Variants in ZNF253 observed in about 807,000 individuals in gnomAD.
ZNF253 encodes the protein DNA-binding protein.
In ZNF253, 8 loss-of-function variants were observed where a neutral mutation model predicts 11.9. The observed-to-expected ratio is 0.67, with a 90% confidence interval of 0.40 to 1.22. The LOEUF (loss-of-function observed/expected upper bound fraction) is 1.22. Among genes scored for constraint, ZNF253 ranks in the 50% most tolerant of loss-of-function variants. The pLI is 0.01. For missense variants in ZNF253, 485 were observed against 586.9 expected, an observed-to-expected ratio of 0.83 and a Z score of 1.79; for synonymous variants, 194 against 194.9, an observed-to-expected ratio of 1.00 and a Z score of 0.04.
chr19:19,888,590 A>G (rs773286189), intron 3 of ZNF253, among the ~76,000 whole-genome samples: 1 of 152,154 alleles, frequency 6.6e-6, no homozygotes, highest in African/African-American at 2.4e-5. Flanking sequence ...CTTCAGTTGC[A>G]TGCAAACATT....
At chr19:19,879,489 A>C (rs185834578) in intron 2 of ZNF253, among the ~76,000 whole-genome samples, 1 of 125,670 alleles carries the variant, frequency 8.0e-6, no homozygotes, top group African/African-American at 3.5e-5. Flanking sequence ...CAAAAGACAA[A>C]GCAAAGCATC....
Position 19,891,617 on chromosome 19 carries a change from G to A in ZNF253, c.370G>A (p.Val124Met), listed in dbSNP as rs201173734. The change falls in exon 4 of 4, where the codon GTG (valine) becomes ATG (methionine). Residue 124 changes from valine (V) to methionine (M), a missense_variant. Physicochemically the swap from Val to Met is conservative, Grantham distance 21. Around this residue, in one of 3 missense-constraint regions of ZNF253, gnomAD observed 218 missense variants for 213.1 expected, o/e 1.02. Coordinates refer to ENST00000589717, the MANE Select transcript of ZNF253 (RefSeq NM_021047.3). ...KGCKSVGEHK[V>M]HKGGYNGLNQ... ...CTGTAAAAGCGTGGGTGAGCATAAG[G>A]TGCACAAAGGAGGTTATAATGGACT... The A allele has an allele frequency of 8.1e-5, 131 of 1,614,120 alleles. No homozygotes were observed. Among genetic ancestry groups the A allele is most frequent in the South Asian group, 4.3e-4 (39 of 91,078 alleles).
At chr19:19,883,584 T>C (rs945705608) in intron 3 of ZNF253, among the ~76,000 whole-genome samples, 7 of 145,628 alleles carry the variant, frequency 4.8e-5, no homozygotes, top group Admixed American at 4.7e-4. Context: ...CAAAAAAAAG[T>C]TGTTCATTTC....
intron 1 of ZNF253, 21 bp downstream of exon 1, chr19:19,866,020 C>T: frequency 6.2e-7 from 1 of 1,614,162 alleles, no homozygotes. Context: ...GGTCCAACGT[C>T]CCGAGAGAGG....
intron 3 of ZNF253, among the ~76,000 whole-genome samples, chr19:19,888,205 A>G (rs576274258): frequency 6.6e-6 from 1 of 152,106 alleles, no homozygotes; most frequent in African/African-American, 2.4e-5. Context: ...CTGGTATTAT[A>G]GGCACCCACC....
chr19:19,882,915 G>T (rs188226155), intron 3 of ZNF253, among the ~76,000 whole-genome samples: 109 of 151,294 alleles, frequency 7.2e-4, no homozygotes, highest in African/African-American at 2.4e-3. Flanking sequence ...AGGTTGCAAT[G>T]AGCCGAGATT....
At chr19:19,867,671 A>G (rs1432504899) in intron 1 of ZNF253, among the ~76,000 whole-genome samples, 3 of 152,148 alleles carry the variant, frequency 2.0e-5, no homozygotes, top group Non-Finnish European at 2.9e-5. Context: ...ATCTGACCAT[A>G]CCGTGTTTTC....
At chr19:19,877,627 G>A (rs929007599) in intron 1 of ZNF253, among the ~76,000 whole-genome samples, 5 of 151,950 alleles carry the variant, frequency 3.3e-5, no homozygotes, top group Admixed American at 2.0e-4. Context: ...CACCCATCTC[G>A]GCCTCCCAAA....
intron 3 of ZNF253, among the ~76,000 whole-genome samples, chr19:19,886,007 T>C (rs951530987): frequency 6.6e-6 from 1 of 152,238 alleles, no homozygotes. Context: ...TTGTTGTTGT[T>C]GTTTTGAGAC....
chr19:19,892,933 C>T lies in ZNF253; in HGVS notation c.*186C>T. On this transcript the variant is annotated 3_prime_UTR_variant, in exon 4 of 4. Coordinates refer to ENST00000589717, the MANE Select transcript of ZNF253 (RefSeq NM_021047.3). ...TAATTCATACCAAACAGAAGCCCTA[C>T]AAGTGTGAAGAATGTGGCAAAACCT... The T allele has an allele frequency of 1.6e-6, 1 of 611,628 alleles. No individual in the cohort carries two copies. The highest frequency in any genetic ancestry group is 2.8e-6 in the Non-Finnish European group (1 of 358,700). 37.9% of individuals were successfully genotyped at this position (611,628 alleles called of 1,614,324 possible).
Position 19,872,530 on chromosome 19 carries a change from T to G in ZNF253, c.4-5951T>G, listed in dbSNP as rs187262836. ...ATAAATTAAGCTAATAGTGCCACAT[T>G]GGACACTATATCCCATACCCTAAAC... On this transcript the variant is annotated intron_variant, in intron 1 of 3. Transcript: ENST00000589717. 4.4e-3 allele frequency among the ~76,000 whole-genome samples: 644 copies of G among 146,052 alleles called. 1 individual carries two copies. The highest frequency in any genetic ancestry group is 7.1e-3 in the Non-Finnish European group (477 of 67,484).
chr19:19,892,767 C>G lies in ZNF253; in HGVS notation c.*20C>G, dbSNP rs12460570. ...AGATAATTCATACTGGAGAGAAACC[C>G]TATGAATGTGATGAATGTGGGAAAG... On this transcript the variant is annotated 3_prime_UTR_variant, in exon 4 of 4. Coordinates refer to ENST00000589717, the MANE Select transcript of ZNF253 (RefSeq NM_021047.3). 331,062 of 1,556,162 alleles carry G rather than the reference C, an allele frequency of 0.21. 39,233 individuals are homozygous for G. The highest frequency in any genetic ancestry group is 0.57 in the East Asian group (25,582 of 44,534).
intron 3 of ZNF253, among the ~76,000 whole-genome samples, chr19:19,885,315 T>C (rs1307839353): frequency 3.0e-5 from 2 of 66,826 alleles, no homozygotes; most frequent in Non-Finnish European, 4.8e-5. Context: ...TCTTTCTTTC[T>C]TTCTTTCTTT....
At chr19:19,880,236 G>T in intron 3 of ZNF253, 90 bp downstream of exon 3, 1 of 940,208 alleles carries the variant, frequency 1.1e-6, no homozygotes. Flanking sequence ...TGTGATTCTG[G>T]AAGCTGTGTT....
intron 1 of ZNF253, among the ~76,000 whole-genome samples, chr19:19,868,467 C>G (rs1209795994): frequency 6.6e-6 from 1 of 152,108 alleles, no homozygotes; most frequent in Non-Finnish European, 1.5e-5. Context: ...CCACATTTCT[C>G]TTATCAGCTT....
At chr19:19,871,933 G>T (rs936761307) in intron 1 of ZNF253, among the ~76,000 whole-genome samples, 1 of 152,110 alleles carries the variant, frequency 6.6e-6, no homozygotes, top group Non-Finnish European at 1.5e-5. Flanking sequence ...ATTTACTCTA[G>T]AGGGGACTTT....
chr19:19,871,078 AT>A (rs1408038336), intron 1 of ZNF253: 1 of 152,142 alleles, frequency 6.6e-6, no homozygotes, highest in Admixed American at 6.5e-5. Flanking sequence ...CCCTATTACT[AT>A]CCTATGGTGT....
chr19:19,885,362 CTTTTCTTTCT>C (rs2063201813), intron 3 of ZNF253, among the ~76,000 whole-genome samples: 1 of 44,116 alleles, frequency 2.3e-5, no homozygotes, highest in Non-Finnish European at 3.4e-5. Context: ...TTCTTCCTTT[CTTTTCTTTCT>C]TTTCTTTCTT....
At position 19,894,056 on chromosome 19, in the gene ZNF253, A is replaced by G. The variant is rs940178611; in HGVS notation, c.*1309A>G. 11 of 152,256 alleles carry G rather than the reference A, an allele frequency of 7.2e-5. No homozygotes were observed. Among genetic ancestry groups the G allele is most frequent in the Admixed American group, 5.9e-4 (9 of 15,286 alleles). 9.4% of individuals were successfully genotyped at this position (152,256 alleles called of 1,614,324 possible). The stretch of plus-strand genomic sequence containing the variant: ...AAATATTTAATTCAAAATTGATTCT[A>G]TGTAAATATCAGAGAATTTTCCATA... On this transcript the variant is annotated 3_prime_UTR_variant, in exon 4 of 4. Transcript: ENST00000589717.
Sources: gnomAD v4.1 joint callset for allele counts (sites outside exome capture counted in the v4.1 genomes callset) on GRCh38, gnomAD v4.1.1 for gene constraint, gnomAD v4.1.1 regional missense constraint, MANE v1.5 for transcripts, NCBI Gene and HGNC (gene_info 2026-07-23, HGNC 2026-07-21) for gene names.